Variants in KLKB1 observed in about 807,000 individuals in gnomAD.
KLKB1 encodes the protein kallikrein B1.
Under a neutral mutation model 73.6 loss-of-function variants are expected in KLKB1, and 58 were observed. The ratio of observed to expected loss-of-function variants is 0.79; its 90% confidence interval spans 0.64 to 0.98. The LOEUF is 0.98. KLKB1 is among the 50% of genes least tolerant of loss of function. KLKB1 has a pLI of 0.00. For synonymous variants in KLKB1, 280 were observed against 258.1 expected, an observed-to-expected ratio of 1.08 and a Z score of -0.81; for missense variants, 737 against 763.8, an observed-to-expected ratio of 0.96 and a Z score of 0.41.
intron 11 of KLKB1, among the ~76,000 whole-genome samples, chr4:186,253,400 C>T (rs930003218): frequency 6.6e-6 from 1 of 152,174 alleles, no homozygotes. Flanking sequence ...TCCACCTTGT[C>T]ATCGTGTGAA....
chr4:186,225,265 G>T (rs1442202419), upstream of KLKB1, among the ~76,000 whole-genome samples: 1 of 121,926 alleles, frequency 8.2e-6, no homozygotes, highest in Non-Finnish European at 1.9e-5. Context: ...GCCAGGTTTT[G>T]TACTTTCAAT....
At chr4:186,256,974 T>C (rs910132798) in intron 13 of KLKB1, among the ~76,000 whole-genome samples, 1 of 120,566 alleles carries the variant, frequency 8.3e-6, no homozygotes, top group African/African-American at 3.2e-5. Flanking sequence ...TCTCTCTCCC[T>C]CTTCCTCTCT....
intron 2 of KLKB1, among the ~76,000 whole-genome samples, chr4:186,220,507 ACT>A (rs1405678481): frequency 6.6e-6 from 1 of 151,616 alleles, no homozygotes; most frequent in African/African-American, 2.4e-5. Context: ...CCACCATTCT[ACT>A]CTCTGTTAGC....
chr4:186,242,152 G>C (rs1320984041), intron 6 of KLKB1, among the ~76,000 whole-genome samples: 1 of 80,734 alleles, frequency 1.2e-5, no homozygotes, highest in Non-Finnish European at 3.0e-5. Flanking sequence ...GGGCAGCGGT[G>C]GGGGGTCACA....
At chr4:186,223,534 T>C (rs754328867), upstream of KLKB1, among the ~76,000 whole-genome samples, 32 of 152,212 alleles carry the variant, frequency 2.1e-4, no homozygotes, top group Non-Finnish European at 3.8e-4. Context: ...GGCAGCATTT[T>C]GCCCCTGCCC....
Position 186,258,448 on chromosome 4 carries a change from G to C in KLKB1, c.*236G>C, listed in dbSNP as rs943254713. The C allele has an allele frequency of 1.4e-5, 8 of 571,740 alleles. No homozygotes were observed. Among genetic ancestry groups the C allele is most frequent in the African/African-American group, 1.3e-4 (7 of 53,270 alleles). The allele number at this position is 571,740 out of a possible 1,614,324, so 35.4% of individuals were successfully genotyped here. On this transcript the variant is annotated 3_prime_UTR_variant, in exon 15 of 15. Transcript: ENST00000264690. Reference sequence around the variant, plus strand: ...ACTGAGATCTCCATGACTGTGTGTTGTGAAATAAAATGGTGAAAGATCACG... The same window carrying C: ...ACTGAGATCTCCATGACTGTGTGTTCTGAAATAAAATGGTGAAAGATCACG...
chr4:186,221,467 A>G (rs1737031225), upstream of KLKB1, among the ~76,000 whole-genome samples: 2 of 152,014 alleles, frequency 1.3e-5, no homozygotes, highest in South Asian at 4.2e-4. Flanking sequence ...GCTGCATCCC[A>G]TAAATTTTCA....
chr4:186,246,119 T>C (rs1451686767), intron 6 of KLKB1, among the ~76,000 whole-genome samples: 6 of 151,914 alleles, frequency 3.9e-5, no homozygotes, highest in Admixed American at 3.9e-4. Context: ...GGAATGAAAC[T>C]GTAAGCTGGA....
chr4:186,214,583 A>T (rs1736834090), intron 2 of KLKB1, among the ~76,000 whole-genome samples: 1 of 152,210 alleles, frequency 6.6e-6, no homozygotes, highest in African/African-American at 2.4e-5. Flanking sequence ...AGGAAAGTTA[A>T]AGTTACACTG....
rs890756031 is a variant in KLKB1 at position 186,258,271 on chromosome 4, T to TG, written c.*65dup. 172 of 1,424,650 alleles carry TG rather than the reference T, an allele frequency of 1.2e-4. No individual in the cohort carries two copies. Among genetic ancestry groups the TG allele is most frequent in the Admixed American group, 3.9e-4 (21 of 53,692 alleles). The allele number at this position is 1,424,650 out of a possible 1,614,324, so 88.3% of individuals were successfully genotyped here. ...CTGAGTTCAAGTCAAATTCTGAGCC[T>TG]GGGGGGTCCTCATCTGCAAAGCATG... On this transcript the variant is annotated 3_prime_UTR_variant, in exon 15 of 15. Coordinates refer to ENST00000264690, the MANE Select transcript of KLKB1 (RefSeq NM_000892.5).
At chr4:186,240,819 T>A (rs115486023) in intron 6 of KLKB1, among the ~76,000 whole-genome samples, 19 of 152,276 alleles carry the variant, frequency 1.2e-4, no homozygotes, top group African/African-American at 4.6e-4. Flanking sequence ...GGGAGAGTTT[T>A]TGAAGGCTGC....
intron 2 of KLKB1, chr4:186,213,470 C>A (rs1736793550): frequency 6.6e-6 from 1 of 152,232 alleles, no homozygotes; most frequent in African/African-American, 2.4e-5. Flanking sequence ...CTGATGTCGT[C>A]AGTGACTCTT....
chr4:186,218,105 C>T (rs1339113313), intron 2 of KLKB1, among the ~76,000 whole-genome samples: 1 of 152,162 alleles, frequency 6.6e-6, no homozygotes, highest in Non-Finnish European at 1.5e-5. Context: ...ACTTTATTTA[C>T]AAAAACAGGT....
Position 186,233,960 on chromosome 4 carries a change from G to T in KLKB1, c.230G>T (p.Cys77Phe), listed in dbSNP as rs763038724. ...SINDMEKRFGCFLKDSVTGTL... is the reference protein window; with the variant it reads ...SINDMEKRFGFFLKDSVTGTL... ...AGCTACTTTTAAAATAGGTTTGGTT[G>T]CTTCTTGAAAGATAGTGTTACAGGA... Residue 77 changes from cysteine (C) to phenylalanine (F), a missense_variant, in exon 4 of 15, where the codon TGC (cysteine) becomes TTC (phenylalanine). Coordinates refer to ENST00000264690, the MANE Select transcript of KLKB1 (RefSeq NM_000892.5). 1.2e-6 allele frequency: 2 copies of T among 1,612,288 alleles called. No homozygotes were observed. The highest frequency in any genetic ancestry group is 2.2e-5 in the East Asian group (1 of 44,866).
intron 12 of KLKB1, among the ~76,000 whole-genome samples, chr4:186,255,730 C>T (rs1259048323): frequency 6.6e-6 from 1 of 152,188 alleles, no homozygotes; most frequent in Non-Finnish European, 1.5e-5. Flanking sequence ...GACACAGGAA[C>T]TTCTAAATGC....
chr4:186,251,201 T>TA lies in KLKB1; in HGVS notation c.759-18_759-17insA, dbSNP rs1354983366. ...CAAATTTCTTTCTTTCTCTCTTGCTTTTTTTTAAAAAAAATAGAAATGTTT... is the reference window on the plus strand; with the variant it reads ...CAAATTTCTTTCTTTCTCTCTTGCTTATTTTTTAAAAAAAATAGAAATGTTT... On this transcript the variant is annotated splice_polypyrimidine_tract_variant and intron_variant, in intron 7 of 14. Transcript: ENST00000264690. 1 of 1,550,774 alleles carries TA rather than the reference T, an allele frequency of 6.4e-7. No individual in the cohort carries two copies. Among genetic ancestry groups the TA allele is most frequent in the East Asian group, 2.2e-5 (1 of 44,540 alleles).
chr4:186,213,541 T>C (rs2126607973), intron 2 of KLKB1: 1 of 152,330 alleles, frequency 6.6e-6, no homozygotes, highest in African/African-American at 2.4e-5. Context: ...TTTCTCTGAC[T>C]CTGAAGAATC....
Position 186,250,271 on chromosome 4 carries a change from T to C in KLKB1, c.627T>C (p.Leu209=). Residue 209 remains leucine (L), a synonymous_variant, in exon 7 of 15, where the codon CTT becomes CTC. Coordinates refer to ENST00000264690, the MANE Select transcript of KLKB1 (RefSeq NM_000892.5). ...IGCHMNIFQH[L]AFSDVDVARV... is the part of the protein sequence containing the mutation. ...GCCACATGAACATCTTCCAGCATCT[T>C]GCGTTCTCAGATGTGGATGTTGCCA... is the stretch of plus-strand genomic sequence containing the variant. 1.2e-6 allele frequency: 2 copies of C among 1,614,210 alleles called. No homozygotes were observed. Among genetic ancestry groups the C allele is most frequent in the Non-Finnish European group, 1.7e-6 (2 of 1,180,014 alleles).
chr4:186,247,235 G>A (rs189457932), intron 6 of KLKB1, among the ~76,000 whole-genome samples: 4 of 152,242 alleles, frequency 2.6e-5, no homozygotes, highest in East Asian at 3.9e-4. Flanking sequence ...GTGTCCATGC[G>A]AAGAGACCAC....
Sources: allele counts gnomAD v4.1 joint callset (sites outside exome capture counted in the v4.1 genomes callset), GRCh38; gene constraint gnomAD v4.1.1; transcripts MANE v1.5; gene names NCBI Gene and HGNC (gene_info 2026-07-23, HGNC 2026-07-21).